SLCO3A1: variants seen among roughly 807,000 people sequenced by gnomAD.
SLCO3A1 encodes the protein solute carrier organic anion transporter family member 3A1, also known as PGE1 transporter.
A neutral mutation model predicts 63.1 loss-of-function variants in SLCO3A1; 27 were observed. The ratio of observed to expected loss-of-function variants is 0.43; its 90% CI spans 0.32 to 0.59. The LOEUF is 0.59. SLCO3A1 is among the 20% of genes least tolerant of loss of function. The pLI is 0.09. For missense variants in SLCO3A1, 773 were observed against 945.8 expected (o/e 0.82, Z 2.40); for synonymous variants, 473 against 409.9 (o/e 1.15, Z -1.86).
At chr15:92,100,658 T>C (rs1271326830) in intron 3 of SLCO3A1, among the ~76,000 whole-genome samples, 1 of 152,214 alleles carries the variant, frequency 6.6e-6, no homozygotes, top group Non-Finnish European at 1.5e-5. Context: ...AACAATACTT[T>C]TGCTATGCCA....
At chr15:92,159,635 T>G (rs2048413177) in intron 9 of SLCO3A1, among the ~76,000 whole-genome samples, 1 of 149,334 alleles carries the variant, frequency 6.7e-6, no homozygotes, top group African/African-American at 2.5e-5. Context: ...GGCGTGATCA[T>G]GGCTCACTGC....
chr15:92,118,163 T>C (rs1205600223), intron 4 of SLCO3A1, among the ~76,000 whole-genome samples: 1 of 152,248 alleles, frequency 6.6e-6, no homozygotes, highest in East Asian at 1.9e-4. Context: ...TTATTATCTT[T>C]ATTCTTATTC....
intron 1 of SLCO3A1, among the ~76,000 whole-genome samples, chr15:91,857,328 A>G (rs1896950039): frequency 6.6e-6 from 1 of 152,156 alleles, no homozygotes; most frequent in Non-Finnish European, 1.5e-5. Flanking sequence ...CCAACTGTGG[A>G]TTCTGAAATC....
rs1900736999 is a variant in SLCO3A1 at position 91,968,418 on chromosome 15, C to T, written c.646+51960C>T. Reference sequence around the variant, plus strand: ...ACAGAGAGTGAGTCATAGAGTGGCCCTCTAGAATCCTCCAGCCTGTGCTTA... The same window carrying T: ...ACAGAGAGTGAGTCATAGAGTGGCCTTCTAGAATCCTCCAGCCTGTGCTTA... On this transcript the variant is annotated intron_variant, in intron 2 of 9. Transcript: ENST00000318445. The surrounding 1 kb of genome is among the most constrained non-coding windows in gnomAD (Gnocchi z 4.2). Among the ~76,000 whole-genome samples, 1 of 151,998 alleles carries T rather than the reference C, an allele frequency of 6.6e-6. No individual in the cohort carries two copies. Among genetic ancestry groups the T allele is most frequent in the African/African-American group, 2.4e-5 (1 of 41,388 alleles).
chr15:92,111,336 G>A (rs2047726604), intron 4 of SLCO3A1, among the ~76,000 whole-genome samples: 1 of 152,174 alleles, frequency 6.6e-6, no homozygotes, highest in Non-Finnish European at 1.5e-5. Flanking sequence ...ATGTTATCAT[G>A]AGGAGCCTGG....
intron 1 of SLCO3A1, among the ~76,000 whole-genome samples, chr15:91,898,183 A>G (rs537763410): frequency 6.6e-6 from 1 of 152,296 alleles, no homozygotes; most frequent in East Asian, 1.9e-4. Context: ...ACTGGTGCAC[A>G]CAGCAACATG....
At chr15:91,923,732 A>AGG (rs1432835531) in intron 2 of SLCO3A1, among the ~76,000 whole-genome samples, 1 of 152,258 alleles carries the variant, frequency 6.6e-6, no homozygotes, top group Non-Finnish European at 1.5e-5. Context: ...GTCAGTAGTT[A>AGG]GGTATATTTT....
chr15:91,990,899 C>T (rs1205687828), intron 2 of SLCO3A1, among the ~76,000 whole-genome samples: 1 of 152,084 alleles, frequency 6.6e-6, no homozygotes, highest in Non-Finnish European at 1.5e-5. Flanking sequence ...TGACCTTGGC[C>T]TCAGTGTTGA....
intron 7 of SLCO3A1, among the ~76,000 whole-genome samples, chr15:92,144,841 C>T (rs529094385): frequency 2.0e-5 from 3 of 152,270 alleles, no homozygotes; most frequent in African/African-American, 4.8e-5. Flanking sequence ...GATGCCTCAC[C>T]CGTGCTCATG....
At chr15:91,961,469 A>G (rs1473003682) in intron 2 of SLCO3A1, among the ~76,000 whole-genome samples, 1 of 152,234 alleles carries the variant, frequency 6.6e-6, no homozygotes, top group East Asian at 1.9e-4. Context: ...AAAGGAAAAC[A>G]GGGCATATGT....
chr15:91,878,359 C>T (rs1025889480), intron 1 of SLCO3A1, among the ~76,000 whole-genome samples: 4 of 152,170 alleles, frequency 2.6e-5, no homozygotes, highest in Non-Finnish European at 5.9e-5. Flanking sequence ...GGATTACAGG[C>T]GTGAGCCACT....
intron 2 of SLCO3A1, among the ~76,000 whole-genome samples, chr15:92,087,815 A>C (rs991571996): frequency 7.2e-5 from 11 of 152,150 alleles, no homozygotes; most frequent in Non-Finnish European, 1.3e-4. Flanking sequence ...CACCACGCCC[A>C]GCCCCATCTA....
At chr15:92,037,886 A>C (rs1330863780) in intron 2 of SLCO3A1, among the ~76,000 whole-genome samples, 1 of 152,172 alleles carries the variant, frequency 6.6e-6, no homozygotes, top group Non-Finnish European at 1.5e-5. Context: ...TAACACCATC[A>C]CCTGGGTCTG....
At chr15:91,895,534 A>T (rs75822915) in intron 1 of SLCO3A1, among the ~76,000 whole-genome samples, 1 of 152,210 alleles carries the variant, frequency 6.6e-6, no homozygotes, top group Non-Finnish European at 1.5e-5. Flanking sequence ...AGGACTTCAT[A>T]TGGAAGCTTT....
chr15:92,088,623 G>A (rs1212076465), intron 2 of SLCO3A1, among the ~76,000 whole-genome samples: 1 of 152,158 alleles, frequency 6.6e-6, no homozygotes, highest in Non-Finnish European at 1.5e-5. Context: ...CTGTGATCCT[G>A]CGTGGAGGAG....
chr15:91,907,218 T>C (rs1179456865), intron 1 of SLCO3A1, among the ~76,000 whole-genome samples: 1 of 152,018 alleles, frequency 6.6e-6, no homozygotes, highest in African/African-American at 2.4e-5. Flanking sequence ...TTTCTGTTGT[T>C]TTCTTTGAGA....
intron 4 of SLCO3A1, among the ~76,000 whole-genome samples, chr15:92,114,270 C>T (rs1198642920): frequency 2.0e-5 from 3 of 152,150 alleles, no homozygotes; most frequent in African/African-American, 7.2e-5. Flanking sequence ...GTTAGTGTTT[C>T]TTACGAGGCT....
chr15:91,917,450 A>G lies in SLCO3A1; in HGVS notation c.646+992A>G, dbSNP rs139924927. On this transcript the variant is annotated intron_variant, in intron 2 of 9. Transcript: ENST00000318445. The stretch of plus-strand genomic sequence containing the variant: ...GCTTGCTGAGATAGGATGGTTTGGA[A>G]GCAGGACACACCGAAATGCAGATTT... Among the ~76,000 whole-genome samples the G allele has an allele frequency of 6.0e-3, 920 of 152,326 alleles. 16 individuals carry two copies. Among genetic ancestry groups the G allele is most frequent in the African/African-American group, 0.021 (865 of 41,576 alleles).
In SLCO3A1 at chr15:91,886,188, T is replaced by C. The variant is rs1202936910; in HGVS notation, c.181-29805T>C. 6.6e-6 allele frequency among the ~76,000 whole-genome samples: 1 copy of C among 152,148 alleles called. No homozygotes were observed. Among genetic ancestry groups the C allele is most frequent in the African/African-American group, 2.4e-5 (1 of 41,416 alleles). ...GAGTGTGTCCTGCGCTTCCCCTTGG[T>C]CTCCCTTAGTTGTGCAATGGAAAGT... On this transcript the variant is annotated intron_variant, in intron 1 of 9. Transcript: ENST00000318445. This position sits in a 1 kb window ranked among gnomAD's most constrained non-coding sequence, Gnocchi z 4.9.
Sources: allele counts gnomAD v4.1 joint callset (sites outside exome capture counted in the v4.1 genomes callset), GRCh38; gene constraint gnomAD v4.1.1; non-coding constraint Gnocchi (gnomAD v3.1); transcripts MANE v1.5; gene names NCBI Gene and HGNC (gene_info 2026-07-23, HGNC 2026-07-21).